The following CXCL13 variants were observed in gnomAD, a reference collection of about 807,000 sequenced individuals.
CXCL13 encodes C-X-C motif chemokine 13.
A neutral mutation model predicts 12.2 loss-of-function variants in CXCL13; 7 were observed. That is an observed-to-expected ratio of 0.57 (90% CI 0.33 to 1.07). The LOEUF (loss-of-function observed/expected upper bound fraction) is 1.07, where lower values mean the gene tolerates loss of function less well. Ranked by LOEUF, CXCL13 falls within the 50% of genes least tolerant of loss-of-function variation. The pLI is 0.04. For missense variants in CXCL13, 113 were observed against 127.4 expected (o/e 0.89, Z 0.55); for synonymous variants, 47 against 42.4 (o/e 1.11, Z -0.42).
At chr4:77,528,144 G>A (rs973404299) in intron 1 of CXCL13, among the ~76,000 whole-genome samples, 3 of 152,164 alleles carry the variant, frequency 2.0e-5, no homozygotes, top group African/African-American at 7.2e-5. Flanking sequence ...ATTCCATGGT[G>A]TATATGTGCC....
intron 1 of CXCL13, among the ~76,000 whole-genome samples, chr4:77,594,245 C>T (rs1726690700): frequency 6.6e-6 from 1 of 152,098 alleles, no homozygotes; most frequent in African/African-American, 2.4e-5. Context: ...AGCTCTTAGC[C>T]AACTTGCTTC....
intron 1 of CXCL13, among the ~76,000 whole-genome samples, chr4:77,591,648 C>A (rs917196539): frequency 3.3e-5 from 5 of 152,042 alleles, no homozygotes. Flanking sequence ...TAGTCCAATC[C>A]CCAGAAATTT....
intron 1 of CXCL13, among the ~76,000 whole-genome samples, chr4:77,551,583 C>T (rs1225756660): frequency 1.3e-5 from 2 of 152,128 alleles, no homozygotes; most frequent in African/African-American, 4.8e-5. Flanking sequence ...GACTACATGC[C>T]TTGATGACAC....
At chr4:77,580,519 G>T (rs191541583) in intron 1 of CXCL13, among the ~76,000 whole-genome samples, 1,511 of 150,860 alleles carry the variant, frequency 0.01, 38 homozygotes, top group African/African-American at 0.035. Context: ...TAGAGACGGG[G>T]TTTCACCATG....
At chr4:77,568,808 T>G (rs1725998905) in intron 1 of CXCL13, among the ~76,000 whole-genome samples, 1 of 152,208 alleles carries the variant, frequency 6.6e-6, no homozygotes, top group African/African-American at 2.4e-5. Context: ...TGGGTTACAG[T>G]CCCACCCTAG....
intron 2 of CXCL13, among the ~76,000 whole-genome samples, chr4:77,608,466 A>C (rs1727059132): frequency 6.6e-6 from 1 of 151,904 alleles, no homozygotes; most frequent in Non-Finnish European, 1.5e-5. Context: ...AAAGAAAGAA[A>C]GTGCATTAGC....
At chr4:77,518,615 G>C (rs527934106) in intron 1 of CXCL13, among the ~76,000 whole-genome samples, 2 of 152,052 alleles carry the variant, frequency 1.3e-5, no homozygotes, top group African/African-American at 4.8e-5. Context: ...CATTCTTCAC[G>C]TCGTTCTCGA....
At chr4:77,594,803 G>A (rs1726708389) in intron 1 of CXCL13, among the ~76,000 whole-genome samples, 1 of 152,210 alleles carries the variant, frequency 6.6e-6, no homozygotes, top group Non-Finnish European at 1.5e-5. Flanking sequence ...GCTAATGCAT[G>A]TGAGGCTTAA....
chr4:77,601,756 A>G (rs977692878), upstream of CXCL13, among the ~76,000 whole-genome samples: 2 of 152,248 alleles, frequency 1.3e-5, no homozygotes, highest in African/African-American at 2.4e-5. Context: ...TATTTGCCCA[A>G]CACTGAGTAA....
intron 1 of CXCL13, among the ~76,000 whole-genome samples, chr4:77,544,549 G>A (rs1725302352): frequency 6.6e-6 from 1 of 152,188 alleles, no homozygotes; most frequent in African/African-American, 2.4e-5. Flanking sequence ...GTGTTCTTCT[G>A]AGAAGTGTCT....
intron 2 of CXCL13, 115 bp from the exon 3 acceptor site, chr4:77,610,498 CT>C: frequency 1.2e-6 from 1 of 804,618 alleles, no homozygotes; most frequent in Non-Finnish European, 2.0e-6. Flanking sequence ...AACTGCCCAG[CT>C]CCAATTTCAC....
intron 1 of CXCL13, among the ~76,000 whole-genome samples, chr4:77,593,095 TTCAGTGGTC>T (rs1037671635): frequency 1.3e-5 from 2 of 152,282 alleles, no homozygotes; most frequent in Middle Eastern, 3.4e-3. Context: ...TCCTTTGAAT[TTCAGTGGTC>T]TCAGGCAATT....
At position 77,562,302 on chromosome 4, in the gene CXCL13, G is replaced by A. The variant is rs370496803; in HGVS notation, c.-42-43522G>A. On this transcript the variant is annotated intron_variant, in intron 1 of 4. Transcript: ENST00000286758. ...CTGCTCTGCTGCGCTGGGTCCCATC[G>A]ACTGCCCAAGGGCTGAGGAGTGCGG... Among the ~76,000 whole-genome samples the A allele has an allele frequency of 2.3e-4, 35 of 151,532 alleles. 1 individual carries two copies. The South Asian group carries it at 5.8e-3, about 25-fold the overall frequency.
intron 1 of CXCL13, among the ~76,000 whole-genome samples, chr4:77,579,575 A>G (rs1288738582): frequency 6.6e-6 from 1 of 152,202 alleles, no homozygotes; most frequent in African/African-American, 2.4e-5. Context: ...CTCATACTGC[A>G]TATTTTACAG....
chr4:77,577,958 A>AT (rs1375076535), intron 1 of CXCL13, among the ~76,000 whole-genome samples: 4 of 152,182 alleles, frequency 2.6e-5, no homozygotes, highest in African/African-American at 9.6e-5. Flanking sequence ...ATAGGTAATC[A>AT]TGTCTCCATA....
At chr4:77,535,321 C>T (rs549046848) in intron 1 of CXCL13, among the ~76,000 whole-genome samples, 1 of 152,122 alleles carries the variant, frequency 6.6e-6, no homozygotes, top group African/African-American at 2.4e-5. Context: ...TTTATAAATT[C>T]TTCAATGTAT....
intron 1 of CXCL13, among the ~76,000 whole-genome samples, chr4:77,540,156 CTAA>C (rs1346155022): frequency 1.3e-5 from 2 of 152,084 alleles, no homozygotes; most frequent in African/African-American, 4.8e-5. Flanking sequence ...CCTAAGGTAT[CTAA>C]TAATAGTACA....
intron 1 of CXCL13, among the ~76,000 whole-genome samples, chr4:77,528,484 A>G (rs1325740102): frequency 1.3e-5 from 2 of 152,148 alleles, no homozygotes; most frequent in African/African-American, 2.4e-5. Context: ...GTGGTGTGAG[A>G]TGGTATCTCA....
chr4:77,538,331 G>T (rs1022495115), intron 1 of CXCL13, among the ~76,000 whole-genome samples: 23 of 150,210 alleles, frequency 1.5e-4, no homozygotes, highest in African/African-American at 3.9e-4. Flanking sequence ...GTTTGTTTTG[G>T]TTTGGTTTTT....
Sources: allele counts gnomAD v4.1 joint callset (sites outside exome capture counted in the v4.1 genomes callset), GRCh38; gene constraint gnomAD v4.1.1; transcripts MANE v1.5; gene names NCBI Gene and HGNC (gene_info 2026-07-23, HGNC 2026-07-21).